NOX4: variants seen among roughly 807,000 people sequenced by gnomAD.
NOX4 encodes NADPH oxidase 4.
A neutral mutation model predicts 87.6 loss-of-function variants in NOX4; 69 were observed. The observed-to-expected ratio is 0.79, with a 90% CI of 0.65 to 0.96. The LOEUF is 0.96. NOX4 is among the 40% of genes least tolerant of loss of function. The pLI is 0.00. For missense variants in NOX4, 680 were observed against 681.5 expected (o/e 1.00, Z 0.02); for synonymous variants, 275 against 238.2 (o/e 1.15, Z -1.42).
the NOX4 span, among the ~76,000 whole-genome samples, chr11:89,544,499 C>T: frequency 6.6e-6 from 1 of 152,080 alleles, no homozygotes; most frequent in South Asian, 2.1e-4. Flanking sequence ...AGGTGAAAGT[C>T]ATGAAGTAAA....
At position 89,371,000 on chromosome 11, in the gene NOX4, A is replaced by T. The variant is rs184131241; in HGVS notation, c.1135+2432T>A. Among the ~76,000 whole-genome samples the T allele has an allele frequency of 2.0e-3, 302 of 152,102 alleles. 2 individuals carry two copies. Among genetic ancestry groups the T allele is most frequent in the Admixed American group, 0.018 (282 of 15,248 alleles). ...TATTAAATATCTCTAAGTCAGTTTT[A>T]AAAAAATAAACCTTTGATATTCAAC... On this transcript the variant is annotated intron_variant, in intron 12 of 17. Coordinates refer to ENST00000263317, the MANE Select transcript of NOX4 (RefSeq NM_016931.5).
At chr11:89,567,146 C>T in the NOX4 span, among the ~76,000 whole-genome samples, 25 of 152,314 alleles carry the variant, frequency 1.6e-4, no homozygotes, top group Middle Eastern at 6.8e-3. Flanking sequence ...GAACACACCC[C>T]TGTTTGCTGG....
At chr11:89,449,034 A>T (rs1293835152) in intron 4 of NOX4, among the ~76,000 whole-genome samples, 1 of 152,154 alleles carries the variant, frequency 6.6e-6, no homozygotes, top group African/African-American at 2.4e-5. Flanking sequence ...CTTGGGGGCC[A>T]ACTTTTGGAT....
intron 17 of NOX4, among the ~76,000 whole-genome samples, chr11:89,331,434 A>G (rs1373099383): frequency 1.3e-5 from 2 of 151,876 alleles, no homozygotes; most frequent in Non-Finnish European, 2.9e-5. Context: ...AATTAAAAAA[A>G]GCTAATTAAA....
At chr11:89,403,905 C>T (rs953743423) in intron 8 of NOX4, among the ~76,000 whole-genome samples, 17 of 152,156 alleles carry the variant, frequency 1.1e-4, no homozygotes, top group Non-Finnish European at 8.8e-5. Flanking sequence ...ACTTTCCTTT[C>T]TTCCCTCTTT....
At chr11:89,440,606 T>C in intron 6 of NOX4, 82 bp downstream of exon 6, 1 of 903,028 alleles carries the variant, frequency 1.1e-6, no homozygotes, top group Non-Finnish European at 1.7e-6. Flanking sequence ...AATACAGGCA[T>C]GAGCCACTGC....
chr11:89,589,523 G>A, the NOX4 span: 1 of 152,218 alleles, frequency 6.6e-6, no homozygotes, highest in East Asian at 1.9e-4. Flanking sequence ...ACGATGTAAA[G>A]GAGTAACAAC....
chr11:89,361,212 A>C (rs1196179914), intron 12 of NOX4, among the ~76,000 whole-genome samples: 2 of 152,142 alleles, frequency 1.3e-5, no homozygotes, highest in African/African-American at 4.8e-5. Flanking sequence ...GCACCCATCA[A>C]CTAACAAGTA....
the NOX4 span, among the ~76,000 whole-genome samples, chr11:89,507,440 A>G: frequency 6.6e-6 from 1 of 151,322 alleles, no homozygotes; most frequent in Non-Finnish European, 1.5e-5. Context: ...AATACACAAT[A>G]CACATAATAT....
At chr11:89,385,522 T>C (rs1940637749) in intron 11 of NOX4, among the ~76,000 whole-genome samples, 1 of 152,206 alleles carries the variant, frequency 6.6e-6, no homozygotes, top group African/African-American at 2.4e-5. Flanking sequence ...TCCAGCCTCA[T>C]AGGCTCATTC....
At chr11:89,475,222 ATGG>A (rs1332846070) in intron 2 of NOX4, among the ~76,000 whole-genome samples, 2 of 151,988 alleles carry the variant, frequency 1.3e-5, no homozygotes, top group Non-Finnish European at 2.9e-5. Context: ...CAAAATGTTA[ATGG>A]TGGTTATGTG....
upstream of NOX4, among the ~76,000 whole-genome samples, chr11:89,502,156 G>A (rs530982457): frequency 6.6e-6 from 1 of 152,050 alleles, no homozygotes; most frequent in East Asian, 1.9e-4. Context: ...AGAAAGATGA[G>A]GGTGCATGGA....
intron 3 of NOX4, among the ~76,000 whole-genome samples, chr11:89,450,910 G>A (rs913955292): frequency 3.3e-5 from 5 of 151,816 alleles, no homozygotes; most frequent in African/African-American, 1.2e-4. Flanking sequence ...CATGTCCTTT[G>A]TAGGGACATG....
chr11:89,511,074 G>A, the NOX4 span, among the ~76,000 whole-genome samples: 1 of 151,882 alleles, frequency 6.6e-6, no homozygotes, highest in Non-Finnish European at 1.5e-5. Context: ...TGCTACCATT[G>A]TTTCTTTGGA....
intron 2 of NOX4, among the ~76,000 whole-genome samples, chr11:89,461,038 C>A (rs1220809176): frequency 6.6e-6 from 1 of 152,104 alleles, no homozygotes; most frequent in Non-Finnish European, 1.5e-5. Flanking sequence ...AATCATCATT[C>A]TCAGCAAACT....
At chr11:89,467,417 C>T (rs1323388463) in intron 2 of NOX4, among the ~76,000 whole-genome samples, 1 of 147,998 alleles carries the variant, frequency 6.8e-6, no homozygotes, top group East Asian at 2.0e-4. Context: ...TAGTGCAGAG[C>T]ATCTCTCTCA....
chr11:89,373,873 A>G (rs2135062499), intron 11 of NOX4, among the ~76,000 whole-genome samples: 1 of 152,166 alleles, frequency 6.6e-6, no homozygotes, highest in East Asian at 1.9e-4. Context: ...TTTTCTCCCT[A>G]GATAATATAT....
chr11:89,479,037 A>G (rs1303519186), intron 2 of NOX4, among the ~76,000 whole-genome samples: 1 of 151,944 alleles, frequency 6.6e-6, no homozygotes, highest in Non-Finnish European at 1.5e-5. Flanking sequence ...AATGTGGCCA[A>G]GGAAAATCAG....
intron 11 of NOX4, among the ~76,000 whole-genome samples, chr11:89,376,808 G>C (rs1247810881): frequency 1.3e-5 from 2 of 152,182 alleles, no homozygotes; most frequent in African/African-American, 4.8e-5. Flanking sequence ...TGTGAACCCA[G>C]GAGGTGGAGG....
Sources: allele counts gnomAD v4.1 joint callset (sites outside exome capture counted in the v4.1 genomes callset), GRCh38; gene constraint gnomAD v4.1.1; transcripts MANE v1.5; gene names NCBI Gene and HGNC (gene_info 2026-07-23, HGNC 2026-07-21).